Variants in DACH1 observed in about 807,000 individuals in gnomAD.
DACH1 encodes the protein dachshund family transcription factor 1, also known as dachshund homolog 1.
Under a neutral mutation model 54.2 loss-of-function variants are expected in DACH1, and 12 were observed. The observed-to-expected ratio is 0.22, with a 90% CI of 0.14 to 0.36. The LOEUF is 0.36. DACH1 is among the 10% of genes least tolerant of loss of function. The pLI is 1.00. For synonymous variants in DACH1, 386 were observed against 366.2 expected, an observed-to-expected ratio of 1.05 and a Z score of -0.62; for missense variants, 805 against 929.8, an observed-to-expected ratio of 0.87 and a Z score of 1.75.
intron 1 of DACH1, among the ~76,000 whole-genome samples, chr13:71,708,730 T>C (rs2138771421): frequency 6.6e-6 from 1 of 152,254 alleles, no homozygotes; most frequent in Middle Eastern, 3.4e-3. Context: ...CAAGCTAATA[T>C]CTTCCAAGTA....
At chr13:71,620,484 G>A (rs1257139368) in intron 3 of DACH1, among the ~76,000 whole-genome samples, 1 of 151,646 alleles carries the variant, frequency 6.6e-6, no homozygotes, top group Non-Finnish European at 1.5e-5. Context: ...AACATAATAG[G>A]GTCATAGAAT....
At chr13:71,703,346 G>C (rs972315732) in intron 1 of DACH1, among the ~76,000 whole-genome samples, 1 of 152,126 alleles carries the variant, frequency 6.6e-6, no homozygotes, top group Non-Finnish European at 1.5e-5. Context: ...CCGTCACTGG[G>C]AAGAAGTCTG....
At chr13:71,624,327 T>G (rs913023050) in intron 3 of DACH1, among the ~76,000 whole-genome samples, 2 of 151,938 alleles carry the variant, frequency 1.3e-5, no homozygotes, top group African/African-American at 4.8e-5. Context: ...TAATGGGACA[T>G]TTGTGAAAAG....
chr13:71,744,766 A>C (rs1884538462), intron 1 of DACH1, among the ~76,000 whole-genome samples: 1 of 152,242 alleles, frequency 6.6e-6, no homozygotes, highest in Non-Finnish European at 1.5e-5. Context: ...CCATACAAAA[A>C]GGAAAGGAAC....
chr13:71,652,950 T>C (rs529438765), intron 2 of DACH1, among the ~76,000 whole-genome samples: 1 of 152,240 alleles, frequency 6.6e-6, no homozygotes, highest in Admixed American at 6.5e-5. Context: ...GAAGATCATT[T>C]AAAGGGCCAA....
intron 1 of DACH1, among the ~76,000 whole-genome samples, chr13:71,737,790 T>C (rs1884205461): frequency 6.6e-6 from 1 of 152,110 alleles, no homozygotes; most frequent in Non-Finnish European, 1.5e-5. Context: ...ATGGTGAAGT[T>C]GAGAGAAAAT....
At position 71,500,610 on chromosome 13, in the gene DACH1, C is replaced by T. The variant is rs575436312; in HGVS notation, c.1571-11462G>A. 2.0e-5 allele frequency among the ~76,000 whole-genome samples: 3 copies of T among 152,166 alleles called. No homozygotes were observed. In the East Asian group the frequency reaches 5.8e-4, roughly 29 times the overall value. On this transcript the variant is annotated intron_variant, in intron 6 of 10. Coordinates refer to ENST00000613252, the MANE Select transcript of DACH1 (RefSeq NM_080759.6). ...TTCTTCATTTTTCAGATGAAACAAG[C>T]CCAATAACTGATTGACCCAAAGTTT...
At chr13:71,618,261 C>T (rs1875932529) in intron 3 of DACH1, among the ~76,000 whole-genome samples, 1 of 151,872 alleles carries the variant, frequency 6.6e-6, no homozygotes, top group South Asian at 2.1e-4. Flanking sequence ...AAAAAGATAA[C>T]ATCTGTGTGG....
chr13:71,492,942 T>G (rs747222391), intron 6 of DACH1, among the ~76,000 whole-genome samples: 17 of 152,078 alleles, frequency 1.1e-4, no homozygotes, highest in Non-Finnish European at 1.8e-4. Flanking sequence ...AGAGTCCACA[T>G]TCCAATTGTA....
intron 2 of DACH1, among the ~76,000 whole-genome samples, chr13:71,664,338 A>C (rs1273338225): frequency 6.6e-6 from 1 of 151,998 alleles, no homozygotes; most frequent in Non-Finnish European, 1.5e-5. Flanking sequence ...ATCAAGACTA[A>C]ACTTTTTGTG....
intron 10 of DACH1, among the ~76,000 whole-genome samples, chr13:71,452,635 T>C (rs1454106432): frequency 6.6e-6 from 1 of 152,226 alleles, no homozygotes; most frequent in Non-Finnish European, 1.5e-5. Context: ...AGAAGTTTAT[T>C]CAAGTATTAG....
At chr13:71,471,757 A>T (rs1877099464) in intron 10 of DACH1, among the ~76,000 whole-genome samples, 1 of 152,120 alleles carries the variant, frequency 6.6e-6, no homozygotes, top group Non-Finnish European at 1.5e-5. Context: ...GTCTCAAAAA[A>T]AAAAGAAAAG....
chr13:71,643,787 ACAGC>A (rs1448835880), intron 2 of DACH1, among the ~76,000 whole-genome samples: 3 of 152,186 alleles, frequency 2.0e-5, no homozygotes, highest in African/African-American at 7.2e-5. Context: ...ATATTAAATT[ACAGC>A]CATGTGTGAC....
intron 6 of DACH1, among the ~76,000 whole-genome samples, chr13:71,498,474 G>A (rs962108571): frequency 2.0e-5 from 3 of 152,098 alleles, no homozygotes; most frequent in African/African-American, 7.2e-5. Flanking sequence ...TATTGATTAC[G>A]AGGCAATTTC....
chr13:71,595,489 G>A (rs1229241336), intron 3 of DACH1, among the ~76,000 whole-genome samples: 2 of 152,116 alleles, frequency 1.3e-5, no homozygotes, highest in African/African-American at 2.4e-5. Context: ...TCCAGCAGGT[G>A]ATAATGGAGA....
intron 6 of DACH1, among the ~76,000 whole-genome samples, chr13:71,519,032 G>A (rs1248713276): frequency 6.6e-6 from 1 of 151,872 alleles, no homozygotes; most frequent in Non-Finnish European, 1.5e-5. Context: ...CACTACAACA[G>A]GAGAGTCGAG....
At position 71,609,876 on chromosome 13, in the gene DACH1, A is replaced by G. The variant is rs1875185536; in HGVS notation, c.1126+20680T>C. ...AATATAAAAAATTTTATTATTAAAAACCCATTCTGGATGGTAGTCAGTAAA... is the reference window on the plus strand; with the variant it reads ...AATATAAAAAATTTTATTATTAAAAGCCCATTCTGGATGGTAGTCAGTAAA... On this transcript the variant is annotated intron_variant, in intron 3 of 10. Coordinates refer to ENST00000613252, the MANE Select transcript of DACH1 (RefSeq NM_080759.6). Among the ~76,000 whole-genome samples, 5 of 152,224 alleles carry G rather than the reference A, an allele frequency of 3.3e-5. No homozygotes were observed. In the South Asian group the frequency reaches 1.0e-3, roughly 32 times the overall value.
intron 2 of DACH1, among the ~76,000 whole-genome samples, chr13:71,659,507 A>G (rs908560235): frequency 1.3e-5 from 2 of 152,174 alleles, no homozygotes; most frequent in Non-Finnish European, 2.9e-5. Flanking sequence ...AGGAAAACAC[A>G]TACCATAAAA....
At chr13:71,750,960 A>G (rs2137977977) in intron 1 of DACH1, among the ~76,000 whole-genome samples, 1 of 152,320 alleles carries the variant, frequency 6.6e-6, no homozygotes, top group Non-Finnish European at 1.5e-5. Context: ...CATTAAACAA[A>G]GTTATCTGAT....
Sources: allele counts gnomAD v4.1 joint callset (sites outside exome capture counted in the v4.1 genomes callset), GRCh38; gene constraint gnomAD v4.1.1; transcripts MANE v1.5; gene names NCBI Gene and HGNC (gene_info 2026-07-23, HGNC 2026-07-21).